SMC6: variants seen among roughly 807,000 people sequenced by gnomAD.
SMC6 encodes the protein structural maintenance of chromosomes protein 6.
In SMC6, 79 loss-of-function variants were observed where a neutral mutation model predicts 142.2. The observed-to-expected ratio is 0.56, with a 90% CI of 0.46 to 0.67. SMC6 has a LOEUF of 0.67. SMC6 is among the 30% of genes least tolerant of loss of function. The pLI, the probability that SMC6 is intolerant of heterozygous loss-of-function variation, is 0.00. For missense variants in SMC6, 1,072 were observed against 1,284.0 expected, an observed-to-expected ratio of 0.83 and a Z score of 2.52; for synonymous variants, 411 against 412.4, an observed-to-expected ratio of 1.00 and a Z score of 0.04.
At chr2:17,674,938 T>C (rs1201867785) in intron 25 of SMC6, among the ~76,000 whole-genome samples, 1 of 152,146 alleles carries the variant, frequency 6.6e-6, no homozygotes, top group East Asian at 1.9e-4. Context: ...ATAAACAGCA[T>C]ACAGTTAGTT....
chr2:17,700,968 T>C (rs138234078), intron 20 of SMC6, among the ~76,000 whole-genome samples: 216 of 151,506 alleles, frequency 1.4e-3, no homozygotes, highest in African/African-American at 5.0e-3. Flanking sequence ...GAGGCAGAGG[T>C]TGCAGTGAGC....
Position 17,678,946 on chromosome 2 carries a change from G to A in SMC6, c.2823C>T (p.Cys941=). 1 of 1,610,926 alleles carries A rather than the reference G, an allele frequency of 6.2e-7. No homozygotes were observed. The change falls in exon 25 of 28, where the codon TGC becomes TGT. Residue 941 remains cysteine (C), a synonymous_variant. Transcript: ENST00000448223. ...ATAGTAAGTTGTCAAAGTATAATTT[G>A]CATCGTAAAGTCAAACACCTTGAAA... ...QQFRRCLTLR[C]KLYFDNLLSQ...
intron 23 of SMC6, among the ~76,000 whole-genome samples, chr2:17,686,924 T>A (rs950550391): frequency 5.9e-5 from 9 of 152,226 alleles, no homozygotes; most frequent in Non-Finnish European, 1.0e-4. Context: ...AAAAATTGCA[T>A]AAAATTACCT....
At chr2:17,666,614 T>C (rs1034724685) in intron 26 of SMC6, 97 bp from the exon 27 acceptor site, 3 of 818,238 alleles carry the variant, frequency 3.7e-6, no homozygotes, top group Middle Eastern at 4.4e-4. Context: ...TGGATTTTCA[T>C]CCAGGGATCA....
At chr2:17,726,131 T>C (rs948327293) in intron 8 of SMC6, among the ~76,000 whole-genome samples, 14 of 143,986 alleles carry the variant, frequency 9.7e-5, no homozygotes, top group East Asian at 7.8e-4. Flanking sequence ...CAAGTTATTA[T>C]GTATGTAGGA....
At chr2:17,698,144 T>C (rs7560823) in intron 21 of SMC6, among the ~76,000 whole-genome samples, 74,391 of 151,780 alleles carry the variant, frequency 0.49, 20,453 homozygotes, top group African/African-American at 0.72. Context: ...CAGGAGAGAA[T>C]TGGGAGTGTC....
intron 3 of SMC6, among the ~76,000 whole-genome samples, chr2:17,743,249 A>C (rs1670565591): frequency 6.6e-6 from 1 of 152,136 alleles, no homozygotes; most frequent in African/African-American, 2.4e-5. Context: ...AAATTTACAT[A>C]TCATTTTGGG....
At chr2:17,692,652 C>A (rs1162378745) in intron 23 of SMC6, among the ~76,000 whole-genome samples, 1 of 152,160 alleles carries the variant, frequency 6.6e-6, no homozygotes, top group Non-Finnish European at 1.5e-5. Context: ...TGGGCAAGGA[C>A]TTCATGTCTA....
Position 17,718,173 on chromosome 2 carries a change from T to C in SMC6, c.996A>G (p.Leu332=). The change falls in exon 12 of 28, where the codon CTA becomes CTG. Residue 332 remains leucine (L), a synonymous_variant. Coordinates refer to ENST00000448223, the MANE Select transcript of SMC6 (RefSeq NM_001142286.2). ...CATTTGTCTCTTCACTAATCTTTTC[T>C]AGTTTGTCTTGAATATCCTTGTACT... ...EQKYKDIQDK[L]EKISEETNAR... 6.2e-7 allele frequency: 1 copy of C among 1,610,490 alleles called. No individual in the cohort carries two copies. Among genetic ancestry groups the C allele is most frequent in the African/African-American group, 1.3e-5 (1 of 75,008 alleles).
chr2:17,752,339 T>C (rs544446107), intron 2 of SMC6, among the ~76,000 whole-genome samples: 8 of 152,362 alleles, frequency 5.3e-5, no homozygotes, highest in Non-Finnish European at 1.2e-4. Context: ...CTGTACTGTT[T>C]AGGGAATAAT....
intron 25 of SMC6, among the ~76,000 whole-genome samples, chr2:17,673,310 T>A (rs1174874799): frequency 6.6e-6 from 1 of 152,292 alleles, no homozygotes; most frequent in East Asian, 1.9e-4. Context: ...CACAAATATC[T>A]TTTCCTAGTC....
chr2:17,711,961 T>C (rs1668847118), intron 16 of SMC6, among the ~76,000 whole-genome samples: 1 of 151,790 alleles, frequency 6.6e-6, no homozygotes, highest in South Asian at 2.1e-4. Flanking sequence ...TAAGAAGATA[T>C]AAAGTGAGAA....
intron 23 of SMC6, among the ~76,000 whole-genome samples, chr2:17,692,029 C>T (rs1346513518): frequency 6.6e-6 from 1 of 152,166 alleles, no homozygotes; most frequent in African/African-American, 2.4e-5. Flanking sequence ...AGGAGAACCA[C>T]AAACCACTGC....
In SMC6 at chr2:17,717,088, CT is replaced by C. The variant is rs761535042; in HGVS notation, c.1180del (p.Ser394ValfsTer20). ...GAAAATTTCAAAGTAACTACCCTACCTTTTTTTCAGCTCTTCAATTCGTTTA... is the reference window on the plus strand; with the variant it reads ...GAAAATTTCAAAGTAACTACCCTACCTTTTTTCAGCTCTTCAATTCGTTTA... ...LCKRIEELKK[S>X]TDQSLEPERL... On this transcript the variant is annotated frameshift_variant and splice_region_variant, in exon 13 of 28. Transcript: ENST00000448223. LOFTEE classifies it high-confidence loss of function. 25 of 1,607,688 alleles carry C rather than the reference CT, an allele frequency of 1.6e-5. No homozygotes were observed. Among genetic ancestry groups the C allele is most frequent in the Non-Finnish European group, 2.0e-5 (23 of 1,177,490 alleles).
rs753341570 is a variant in SMC6, at chr2:17,730,769, AT to A, written c.543+308del. On this transcript the variant is annotated intron_variant, in intron 7 of 27. Transcript: ENST00000448223. ...AGGCGCCCGCCACCACACCCAGCTA[AT>A]TTTTTTTTTTTTTTTGTATTTTTAG... Among the ~76,000 whole-genome samples the A allele has an allele frequency of 7.1e-3, 986 of 139,076 alleles. 2 individuals carry two copies. Among genetic ancestry groups the A allele is most frequent in the African/African-American group, 0.01 (385 of 37,948 alleles). The allele number at this position is 139,076 out of a possible 152,430, so 91.2% of individuals were successfully genotyped here. A position where few individuals can be genotyped will look rare whatever the true frequency, so the allele number is the denominator to read the frequency against.
At chr2:17,727,936 T>C (rs183265717) in intron 7 of SMC6, among the ~76,000 whole-genome samples, 4 of 152,348 alleles carry the variant, frequency 2.6e-5, no homozygotes, top group Admixed American at 2.6e-4. Flanking sequence ...CCATCTGCCA[T>C]ATATTTTTTC....
intron 23 of SMC6, among the ~76,000 whole-genome samples, chr2:17,686,293 C>T (rs913797290): frequency 2.0e-5 from 3 of 152,044 alleles, no homozygotes; most frequent in African/African-American, 7.2e-5. Flanking sequence ...ACCACCCTGG[C>T]CAACATGGTA....
intron 7 of SMC6, among the ~76,000 whole-genome samples, chr2:17,727,730 T>C (rs905056199): frequency 1.3e-5 from 2 of 152,232 alleles, no homozygotes; most frequent in East Asian, 1.9e-4. Context: ...AAGGTTATTG[T>C]ATAAATGAAA....
chr2:17,711,909 G>A (rs1247608030), intron 16 of SMC6, among the ~76,000 whole-genome samples: 2 of 152,140 alleles, frequency 1.3e-5, no homozygotes, highest in Non-Finnish European at 2.9e-5. Flanking sequence ...GTGAGCCACC[G>A]TGACTGGTCT....
Sources: allele counts gnomAD v4.1 joint callset (sites outside exome capture counted in the v4.1 genomes callset), GRCh38; gene constraint gnomAD v4.1.1; transcripts MANE v1.5; gene names NCBI Gene and HGNC (gene_info 2026-07-23, HGNC 2026-07-21).